SLC27A1: variants seen among roughly 807,000 people sequenced by gnomAD.
The protein encoded by SLC27A1 is long-chain fatty acid transport protein 1.
In SLC27A1, 61 loss-of-function variants were observed where a neutral mutation model predicts 62.2. The ratio of observed to expected loss-of-function variants is 0.98; its 90% CI spans 0.80 to 1.21. The LOEUF is 1.21. Among genes scored for constraint, SLC27A1 ranks in the 50% most tolerant of loss-of-function variants. SLC27A1 has a pLI of 0.00. For missense variants in SLC27A1, 903 were observed against 932.1 expected, an observed-to-expected ratio of 0.97 and a Z score of 0.41; for synonymous variants, 435 against 408.6, an observed-to-expected ratio of 1.06 and a Z score of -0.78.
At chr19:17,497,503 C>T (rs1434714895) in intron 7 of SLC27A1, 39 bp downstream of exon 7, 5 of 1,533,336 alleles carry the variant, frequency 3.3e-6, no homozygotes, top group Non-Finnish European at 4.4e-6. Flanking sequence ...TCTCGGAGTT[C>T]AGGGAAGACC....
intron 7 of SLC27A1, 43 bp downstream of exon 7, chr19:17,497,507 GA>G (rs1427839835): frequency 5.9e-6 from 9 of 1,518,966 alleles, no homozygotes; most frequent in Middle Eastern, 3.4e-4. Context: ...GGAGTTCAGG[GA>G]AGACCACTGT....
In SLC27A1 at chr19:17,504,580, A is replaced by G. The variant is rs1165044808; in HGVS notation, c.1909A>G (p.Thr637Ala). 4 of 1,613,878 alleles carry G rather than the reference A, an allele frequency of 2.5e-6. No individual in the cohort carries two copies. Among genetic ancestry groups the G allele is most frequent in the Admixed American group, 3.3e-5 (2 of 59,994 alleles). The change falls in exon 12 of 12, where the codon ACT becomes GCT. Residue 637 changes from threonine (T) to alanine (A), a missense_variant. Thr to Ala is a moderately conservative substitution (Grantham distance 58). Coordinates refer to ENST00000252595, the MANE Select transcript of SLC27A1 (RefSeq NM_198580.3). ...CCTGCCCTTAAATGAGGCAGTCTAC[A>G]CTCGCATCTGCTCGGGCGCCTTCGC... Reference protein sequence around the residue: ...HYLPLNEAVYTRICSGAFAL With the variant: ...HYLPLNEAVYARICSGAFAL
At chr19:17,481,740 C>T (rs2075180647) in intron 1 of SLC27A1, among the ~76,000 whole-genome samples, 1 of 152,180 alleles carries the variant, frequency 6.6e-6, no homozygotes, top group Non-Finnish European at 1.5e-5. Flanking sequence ...TGGGCTCAAG[C>T]AATCCTCCCA....
chr19:17,486,601 G>C lies in SLC27A1; in HGVS notation c.206G>C (p.Arg69Pro). 1.9e-6 allele frequency: 3 copies of C among 1,593,912 alleles called. No homozygotes were observed. Among genetic ancestry groups the C allele is most frequent in the Non-Finnish European group, 2.5e-6 (3 of 1,176,974 alleles). The change falls in exon 2 of 12, where the codon CGG (arginine) becomes CCG (proline). Residue 69 changes from arginine to proline, a missense_variant. Coordinates refer to ENST00000252595, the MANE Select transcript of SLC27A1 (RefSeq NM_198580.3). The surrounding 1 kb of genome is among the most constrained non-coding windows in gnomAD (Gnocchi z 6.6). ...SVLIRVRLEL[R>P]RHQRAGHTIP... is the part of the protein sequence containing the mutation. ...CTGATCCGCGTGCGCCTGGAGCTGC[G>C]GCGGCACCAGCGTGCCGGCCACACC...
At chr19:17,502,299 C>T (rs1381220829) in intron 11 of SLC27A1, among the ~76,000 whole-genome samples, 1 of 145,576 alleles carries the variant, frequency 6.9e-6, no homozygotes, top group African/African-American at 2.6e-5. Context: ...TATTTCCATT[C>T]CTCACTTCCA....
At chr19:17,485,498 CTTG>C (rs1297613760) in intron 1 of SLC27A1, among the ~76,000 whole-genome samples, 1 of 149,668 alleles carries the variant, frequency 6.7e-6, no homozygotes, top group Non-Finnish European at 1.5e-5. Context: ...TAAAGCATTT[CTTG>C]TTTGTTTGTT....
chr19:17,469,093 G>A (rs1355454119), upstream of SLC27A1: 1 of 152,150 alleles, frequency 6.6e-6, no homozygotes, highest in Non-Finnish European at 1.5e-5. Flanking sequence ...CGGGGTGCAA[G>A]TAAAGGGCCT....
chr19:17,474,726 G>A (rs751611239), intron 1 of SLC27A1, among the ~76,000 whole-genome samples: 20 of 151,442 alleles, frequency 1.3e-4, no homozygotes, highest in Non-Finnish European at 1.6e-4. Context: ...CGCCTCCCAG[G>A]TTCAAGTTAT....
intron 6 of SLC27A1, among the ~76,000 whole-genome samples, chr19:17,493,731 TC>T (rs986652807): frequency 1.3e-5 from 2 of 151,712 alleles, no homozygotes; most frequent in African/African-American, 4.8e-5. Flanking sequence ...TTCAAGTGAT[TC>T]CCCTCCCTCA....
intron 7 of SLC27A1, chr19:17,497,846 G>C: frequency 3.9e-6 from 1 of 255,462 alleles, no homozygotes; most frequent in South Asian, 3.8e-5. Context: ...GTCTCGCTCT[G>C]TCGCCCAGGC....
chr19:17,500,046 G>C, intron 7 of SLC27A1: 1 of 601,068 alleles, frequency 1.7e-6, no homozygotes. Context: ...TCAGGAAGTG[G>C]GTGCCAGCCA....
intron 6 of SLC27A1, 22 bp from the exon 7 acceptor site, chr19:17,497,233 A>G (rs771533186): frequency 3.8e-6 from 6 of 1,570,252 alleles, no homozygotes; most frequent in Middle Eastern, 1.7e-4. Flanking sequence ...CCCATCACCC[A>G]CTTCCTCACC....
chr19:17,504,854 C>G lies in SLC27A1; in HGVS notation c.*242C>G, dbSNP rs977638740. 2 of 687,594 alleles carry G rather than the reference C, an allele frequency of 2.9e-6. No individual in the cohort carries two copies. The highest frequency in any genetic ancestry group is 4.0e-5 in the Admixed American group (2 of 49,388). The allele number at this position is 687,594 out of a possible 1,614,324, so 42.6% of individuals were successfully genotyped here. On this transcript the variant is annotated 3_prime_UTR_variant, in exon 12 of 12. Coordinates refer to ENST00000252595, the MANE Select transcript of SLC27A1 (RefSeq NM_198580.3). ...CCTCTGTCTCCTTCCATCCCTGTCCCTGTCTGGCCTTAACTCTTCCCTCTT... is the reference window on the plus strand; with the variant it reads ...CCTCTGTCTCCTTCCATCCCTGTCCGTGTCTGGCCTTAACTCTTCCCTCTT...
At position 17,486,627 on chromosome 19, in the gene SLC27A1, A is replaced by C. The variant is rs778836837; in HGVS notation, c.232A>C (p.Ile78Leu). 1.2e-6 allele frequency: 2 copies of C among 1,600,604 alleles called. No homozygotes were observed. The highest frequency in any genetic ancestry group is 3.4e-5 in the Admixed American group (2 of 59,566). ...GCGGCACCAGCGTGCCGGCCACACC[A>C]TCCCGCGCATCTTTCAGGCGGTAGT... is the stretch of plus-strand genomic sequence containing the variant. The part of the protein sequence containing the change: ...LRRHQRAGHT[I>L]PRIFQAVVQR... The change falls in exon 2 of 12, where the codon ATC becomes CTC. Residue 78 changes from isoleucine (I) to leucine (L), a missense_variant. Coordinates refer to ENST00000252595, the MANE Select transcript of SLC27A1 (RefSeq NM_198580.3). This position sits in a 1 kb window ranked among gnomAD's most constrained non-coding sequence, Gnocchi z 6.6.
At chr19:17,481,745 C>A (rs1472340300) in intron 1 of SLC27A1, among the ~76,000 whole-genome samples, 1 of 152,172 alleles carries the variant, frequency 6.6e-6, no homozygotes, top group Non-Finnish European at 1.5e-5. Flanking sequence ...TCAAGCAATC[C>A]TCCCACCTCA....
In SLC27A1 at chr19:17,501,619, C is replaced by G. The variant is rs140130640; in HGVS notation, c.1783+200C>G. Among the ~76,000 whole-genome samples the G allele has an allele frequency of 1.1e-3, 166 of 151,896 alleles. 1 individual carries two copies. Among genetic ancestry groups the G allele is most frequent in the African/African-American group, 3.9e-3 (160 of 41,432 alleles). On this transcript the variant is annotated intron_variant, in intron 11 of 11. Transcript: ENST00000252595. ...GAGATCGAGAGCATCCCGGCTAACACAGTGAAACCCTGTCTCTACTAAAAA... is the reference window on the plus strand; with the variant it reads ...GAGATCGAGAGCATCCCGGCTAACAGAGTGAAACCCTGTCTCTACTAAAAA...
At chr19:17,470,412 T>G (rs2144530783), upstream of SLC27A1, 1 of 1,150,198 alleles carries the variant, frequency 8.7e-7, no homozygotes, top group Non-Finnish European at 1.1e-6. Context: ...GTTCCCGGAC[T>G]CGCGGGGGGC....
chr19:17,487,028 C>G, intron 2 of SLC27A1, 71 bp downstream of exon 2: 2 of 1,537,594 alleles, frequency 1.3e-6, no homozygotes, highest in African/African-American at 2.7e-5. Flanking sequence ...GGAGATGCTG[C>G]GCCCCAGGCC....
At position 17,504,736 on chromosome 19, in the gene SLC27A1, C is replaced by A. The variant is rs756117368; in HGVS notation, c.*124C>A. 4 of 1,279,158 alleles carry A rather than the reference C, an allele frequency of 3.1e-6. No homozygotes were observed. 79.2% of individuals were successfully genotyped at this position (1,279,158 alleles called of 1,614,324 possible). On this transcript the variant is annotated 3_prime_UTR_variant, in exon 12 of 12. Coordinates refer to ENST00000252595, the MANE Select transcript of SLC27A1 (RefSeq NM_198580.3). ...CTGGCCGAGCTGTACCTGGCACGGCCCATCCTGGACTGAGAAACTGGAACC... is the reference window on the plus strand; with the variant it reads ...CTGGCCGAGCTGTACCTGGCACGGCACATCCTGGACTGAGAAACTGGAACC...
Sources: allele counts gnomAD v4.1 joint callset (sites outside exome capture counted in the v4.1 genomes callset), GRCh38; gene constraint gnomAD v4.1.1; non-coding constraint Gnocchi (gnomAD v3.1); transcripts MANE v1.5; gene names NCBI Gene and HGNC (gene_info 2026-07-23, HGNC 2026-07-21).